DENND2A: variants seen among roughly 807,000 people sequenced by gnomAD.
DENND2A encodes DENN domain containing 2A.
DENND2A carries 53 observed loss-of-function variants against 105.3 expected under a neutral mutation model. That is an observed-to-expected ratio of 0.50 (90% confidence interval 0.40 to 0.63). The LOEUF is 0.63. DENND2A is among the 30% of genes least tolerant of loss of function. The pLI is 0.00. For synonymous variants in DENND2A, 522 were observed against 508.4 expected (o/e 1.03, Z -0.36); for missense variants, 1,138 against 1,279.6 (o/e 0.89, Z 1.69).
chr7:140,520,581 T>C (rs1394800920), intron 18 of DENND2A, among the ~76,000 whole-genome samples: 1 of 151,656 alleles, frequency 6.6e-6, no homozygotes, highest in Non-Finnish European at 1.5e-5. Context: ...TTTTTTGAGA[T>C]AGAGTTTCGC....
rs961100856 is a variant in DENND2A at position 140,520,001 on chromosome 7, G to GTT, written c.2912-285_2912-284dup. Among the ~76,000 whole-genome samples, 8 of 152,152 alleles carry GTT rather than the reference G, an allele frequency of 5.3e-5. 1 individual carries two copies. Among genetic ancestry groups the GTT allele is most frequent in the Middle Eastern group, 6.3e-3 (2 of 316 alleles). On this transcript the variant is annotated intron_variant, in intron 18 of 19. Transcript: ENST00000496613. ...GCGTCTACACTGTGCCAGGCGGGCA[G>GTT]TTTTAAAGATGAACCGGAGTGGCCA...
At chr7:140,582,092 G>A (rs1356410311) in intron 5 of DENND2A, among the ~76,000 whole-genome samples, 1 of 151,980 alleles carries the variant, frequency 6.6e-6, no homozygotes. Flanking sequence ...TGCCTCCCGA[G>A]TAGCTGGGAT....
chr7:140,534,474 C>T (rs1244568979), intron 14 of DENND2A, among the ~76,000 whole-genome samples: 2 of 152,086 alleles, frequency 1.3e-5, no homozygotes, highest in Non-Finnish European at 2.9e-5. Context: ...GCCCTTTCCT[C>T]AAAATAAATG....
intron 3 of DENND2A, among the ~76,000 whole-genome samples, 194 bp downstream of exon 3, chr7:140,601,209 A>T (rs556235388): frequency 6.6e-6 from 1 of 152,366 alleles, no homozygotes; most frequent in East Asian, 1.9e-4. Context: ...CTGAGAACAA[A>T]CACAAAATAC....
chr7:140,624,692 G>A (rs1220866723), intron 1 of DENND2A, among the ~76,000 whole-genome samples: 1 of 152,036 alleles, frequency 6.6e-6, no homozygotes, highest in African/African-American at 2.4e-5. Context: ...TGTTCTTGAA[G>A]GCATTTCTTT....
In DENND2A at chr7:140,519,657, A is replaced by G; in HGVS notation, c.2973T>C (p.Gly991=). 1 of 1,613,940 alleles carries G rather than the reference A, an allele frequency of 6.2e-7. No homozygotes were observed. The highest frequency in any genetic ancestry group is 8.5e-7 in the Non-Finnish European group (1 of 1,179,974). ...LETLPSGEHS[G]VNKFLKGLGN... is the part of the protein sequence containing the mutation. ...CTAGTCCCTTCAGGAACTTATTGAC[A>G]CCGCTGTGCTCTCCACTGGGGAGTG... is the stretch of plus-strand genomic sequence containing the variant. The change falls in exon 19 of 20, where the codon GGT becomes GGC. Residue 991 remains glycine, a synonymous_variant. Transcript: ENST00000496613.
At chr7:140,557,915 G>C (rs1797446437) in intron 11 of DENND2A, among the ~76,000 whole-genome samples, 1 of 152,000 alleles carries the variant, frequency 6.6e-6, no homozygotes. Context: ...CAAGTGATCT[G>C]TCCTTCTCAT....
At chr7:140,546,147 C>A (rs769685209) in intron 13 of DENND2A, among the ~76,000 whole-genome samples, 12 of 152,028 alleles carry the variant, frequency 7.9e-5, no homozygotes, top group African/African-American at 2.9e-4. Flanking sequence ...AGGCTGGGCG[C>A]GGTGGCTCAC....
chr7:140,599,385 G>GA (rs201071397), intron 3 of DENND2A, among the ~76,000 whole-genome samples: 16 of 149,706 alleles, frequency 1.1e-4, no homozygotes, highest in South Asian at 8.4e-4. Flanking sequence ...GTTTGGTACT[G>GA]AAAAAAAAAT....
intron 11 of DENND2A, 89 bp from the exon 12 acceptor site, chr7:140,555,802 G>T: frequency 2.8e-6 from 3 of 1,088,128 alleles, no homozygotes; most frequent in Non-Finnish European, 4.0e-6. Context: ...ACTATCATGT[G>T]CCAGATGTTT....
In DENND2A at chr7:140,572,649, G is replaced by A. The variant is rs576040231; in HGVS notation, c.1446+1159C>T. 4.6e-5 allele frequency among the ~76,000 whole-genome samples: 7 copies of A among 151,252 alleles called. No individual in the cohort carries two copies. In the South Asian group the frequency reaches 1.5e-3, roughly 32 times the overall value. ...GGTGACTGTAGTCCCAGCTACTCGG[G>A]AGGCTGAGGCAGGAGAATCGCTTGA... On this transcript the variant is annotated intron_variant, in intron 6 of 19. Coordinates refer to ENST00000496613, the MANE Select transcript of DENND2A (RefSeq NM_015689.5).
At chr7:140,588,335 T>A (rs1427633008) in intron 3 of DENND2A, among the ~76,000 whole-genome samples, 2 of 152,148 alleles carry the variant, frequency 1.3e-5, no homozygotes, top group Non-Finnish European at 1.5e-5. Context: ...AAATCCCAAC[T>A]TTGTAAACAA....
rs1297784863 is a variant in DENND2A, at chr7:140,559,608, C to T, written c.1889+100G>A. On this transcript the variant is annotated intron_variant, in intron 10 of 19. Transcript: ENST00000496613. This position sits in a 1 kb window ranked among gnomAD's most constrained non-coding sequence, Gnocchi z 4.1. The stretch of plus-strand genomic sequence containing the variant: ...CTCTAGGCCAGGCCCATCAGGATTA[C>T]TTAACGGTGGGAATGACTCATGTGG... 9.4e-6 allele frequency: 8 copies of T among 847,834 alleles called. No homozygotes were observed. The allele number at this position is 847,834 out of a possible 1,614,324, so 52.5% of individuals were successfully genotyped here. A position where few individuals can be genotyped will look rare whatever the true frequency, so the allele number is the denominator to read the frequency against.
intron 14 of DENND2A, among the ~76,000 whole-genome samples, chr7:140,533,786 A>G (rs1796355388): frequency 6.6e-6 from 1 of 152,178 alleles, no homozygotes. Context: ...GGCTGCAACA[A>G]ACGTTTCTGT....
chr7:140,630,614 G>A (rs1800702673), intron 1 of DENND2A, among the ~76,000 whole-genome samples: 1 of 152,102 alleles, frequency 6.6e-6, no homozygotes, highest in Non-Finnish European at 1.5e-5. Context: ...GGAAGCCAAG[G>A]CGGGCGGATC....
At chr7:140,545,762 T>C (rs1796869499) in intron 13 of DENND2A, among the ~76,000 whole-genome samples, 1 of 152,188 alleles carries the variant, frequency 6.6e-6, no homozygotes, top group African/African-American at 2.4e-5. Context: ...TTTAAATAGC[T>C]GCCTCCCTCC....
chr7:140,568,596 C>A (rs114564169), intron 8 of DENND2A, among the ~76,000 whole-genome samples, 167 bp downstream of exon 8: 21 of 152,284 alleles, frequency 1.4e-4, no homozygotes, highest in African/African-American at 4.3e-4. Context: ...ATGCCCATGA[C>A]GGACCGGCTC....
At chr7:140,538,005 G>A (rs1796507270) in intron 14 of DENND2A, among the ~76,000 whole-genome samples, 1 of 152,146 alleles carries the variant, frequency 6.6e-6, no homozygotes, top group Non-Finnish European at 1.5e-5. Context: ...CATCACAACA[G>A]CATTCTTTCC....
intron 7 of DENND2A, 59 bp from the exon 8 acceptor site, chr7:140,568,872 T>C (rs1463430560): frequency 2.0e-6 from 3 of 1,530,698 alleles, no homozygotes; most frequent in African/African-American, 2.7e-5. Context: ...TGTAGGAAAC[T>C]CTTTCTATGT....
Sources: gnomAD v4.1 joint callset for allele counts (sites outside exome capture counted in the v4.1 genomes callset) on GRCh38, gnomAD v4.1.1 for gene constraint, Gnocchi (gnomAD v3.1) non-coding constraint, MANE v1.5 for transcripts, NCBI Gene and HGNC (gene_info 2026-07-23, HGNC 2026-07-21) for gene names.